FANK1: variants seen among roughly 807,000 people sequenced by gnomAD.
FANK1 encodes the protein fibronectin type 3 and ankyrin repeat domains protein 1.
In FANK1, 44 loss-of-function variants were observed where a neutral mutation model predicts 45.3. The ratio of observed to expected loss-of-function variants is 0.97; its 90% CI spans 0.76 to 1.25. The LOEUF is 1.25. FANK1 is among the 50% of genes most tolerant of loss of function. FANK1 has a pLI of 0.00. For missense variants in FANK1, 391 were observed against 424.4 expected (o/e 0.92, Z 0.69); for synonymous variants, 149 against 152.5 (o/e 0.98, Z 0.17).
chr10:125,909,686 C>CTTTTTTTTT (rs34854157), intron 1 of FANK1, among the ~76,000 whole-genome samples: 3 of 103,266 alleles, frequency 2.9e-5, no homozygotes, highest in African/African-American at 3.9e-5. Flanking sequence ...GACCAATTAA[C>CTTTTTTTTT]TTTTTTTTTT....
At chr10:125,954,257 G>A (rs1332360997) in intron 1 of FANK1, among the ~76,000 whole-genome samples, 1 of 152,162 alleles carries the variant, frequency 6.6e-6, no homozygotes, top group Non-Finnish European at 1.5e-5. Context: ...CAGTGGGAAA[G>A]TTGTTTACTG....
intron 1 of FANK1, among the ~76,000 whole-genome samples, chr10:125,897,321 G>A (rs113087184): frequency 6.6e-6 from 1 of 152,300 alleles, no homozygotes; most frequent in South Asian, 2.1e-4. Flanking sequence ...ATCTAAACAC[G>A]AGCTCTAACT....
rs1022835475 is a variant in FANK1 at position 126,004,074 on chromosome 10, A to G, written c.540-810A>G. On this transcript the variant is annotated intron_variant, in intron 6 of 10. Coordinates refer to ENST00000368693, the MANE Select transcript of FANK1 (RefSeq NM_145235.5). ...TGCAAATAAGGGTTTTTCTAACTCT[A>G]TGGTTCCTTTTATATTTATTAGTTG... 3 of 150,726 alleles carry G rather than the reference A, an allele frequency of 2.0e-5. No homozygotes were observed. The Admixed American group carries it at 2.0e-4, about 10-fold the overall frequency. The allele number at this position is 150,726 out of a possible 1,614,324, so 9.3% of individuals were successfully genotyped here.
intron 1 of FANK1, among the ~76,000 whole-genome samples, chr10:125,968,920 G>T (rs1379552873): frequency 2.0e-5 from 3 of 152,150 alleles, no homozygotes; most frequent in Non-Finnish European, 2.9e-5. Flanking sequence ...AGTGTATGAA[G>T]CCCTTTATTA....
Position 125,962,987 on chromosome 10 carries a change from G to T in FANK1, c.14-17174G>T, listed in dbSNP as rs982819922. 3.3e-4 allele frequency among the ~76,000 whole-genome samples: 47 copies of T among 140,744 alleles called. 1 individual carries two copies. The highest frequency in any genetic ancestry group is 9.7e-4 in the African/African-American group (37 of 38,236). 92.3% of individuals were successfully genotyped at this position (140,744 alleles called of 152,430 possible). On this transcript the variant is annotated intron_variant, in intron 1 of 10. Transcript: ENST00000368693. ...TTGATACATTATTATTATTACTGTG[G>T]TTTTTTTTTTTTTTTCAGATGGAGT...
intron 1 of FANK1, among the ~76,000 whole-genome samples, chr10:125,930,012 C>T (rs938891368): frequency 2.0e-5 from 3 of 152,130 alleles, no homozygotes; most frequent in African/African-American, 7.2e-5. Flanking sequence ...GAAACTTTTT[C>T]ACATGGCTAT....
intron 1 of FANK1, among the ~76,000 whole-genome samples, chr10:125,918,585 A>AAAATATATATATAT (rs1554913277): frequency 4.2e-5 from 3 of 70,972 alleles, no homozygotes; most frequent in African/African-American, 1.6e-4. Flanking sequence ...AAAAAAAAAA[A>AAAATATATATATAT]ATATATATAT....
chr10:125,937,922 G>A (rs1210504776), intron 1 of FANK1, among the ~76,000 whole-genome samples: 6 of 152,042 alleles, frequency 3.9e-5, no homozygotes, highest in Non-Finnish European at 5.9e-5. Context: ...ATGTTGTACC[G>A]ATTCAAAACT....
At position 125,971,878 on chromosome 10, in the gene FANK1, T is replaced by C. The variant is rs1233979595; in HGVS notation, c.14-8283T>C. Reference sequence around the variant, plus strand: ...ACTTTGTGATTCGTCCACCTTGGCCTCCGAAAGTAAAGTGCTGGGATTACA... The same window carrying C: ...ACTTTGTGATTCGTCCACCTTGGCCCCCGAAAGTAAAGTGCTGGGATTACA... On this transcript the variant is annotated intron_variant, in intron 1 of 10. Transcript: ENST00000368693. Among the ~76,000 whole-genome samples, 11 of 152,188 alleles carry C rather than the reference T, an allele frequency of 7.2e-5. No individual in the cohort carries two copies. The East Asian group carries it at 2.1e-3, about 29-fold the overall frequency.
intron 1 of FANK1, among the ~76,000 whole-genome samples, chr10:125,956,540 C>A (rs1339963255): frequency 6.6e-6 from 1 of 152,092 alleles, no homozygotes; most frequent in Non-Finnish European, 1.5e-5. Flanking sequence ...ACCAAAGATT[C>A]TTTGGTTTTA....
At chr10:125,931,470 A>G (rs2134142121) in intron 1 of FANK1, among the ~76,000 whole-genome samples, 1 of 152,226 alleles carries the variant, frequency 6.6e-6, no homozygotes, top group South Asian at 2.1e-4. Context: ...ATCGTTAGTG[A>G]TGTTGGGCAT....
intron 1 of FANK1, among the ~76,000 whole-genome samples, chr10:125,912,443 AGTGTGTGTGTG>A (rs1191526447): frequency 8.2e-5 from 12 of 147,194 alleles, no homozygotes; most frequent in African/African-American, 3.0e-4. Flanking sequence ...GCACCACCAA[AGTGTGTGTGTG>A]TGTGTGTGTG....
chr10:125,932,200 T>C (rs1050681320), intron 1 of FANK1, among the ~76,000 whole-genome samples: 3 of 152,182 alleles, frequency 2.0e-5, no homozygotes, highest in African/African-American at 7.2e-5. Context: ...TTTGGTTCCA[T>C]ATGAATTTTA....
At chr10:125,957,678 C>T (rs1158919840) in intron 1 of FANK1, among the ~76,000 whole-genome samples, 2 of 151,966 alleles carry the variant, frequency 1.3e-5, no homozygotes, top group Non-Finnish European at 1.5e-5. Context: ...GCACCCGGCA[C>T]CACACCCGGC....
intron 1 of FANK1, among the ~76,000 whole-genome samples, chr10:125,946,646 A>T (rs1323777622): frequency 6.6e-6 from 1 of 150,600 alleles, no homozygotes; most frequent in African/African-American, 2.4e-5. Context: ...TGTACCTGAA[A>T]GTGATGGGGA....
At chr10:125,908,344 A>C (rs1281140325) in intron 1 of FANK1, among the ~76,000 whole-genome samples, 1 of 152,186 alleles carries the variant, frequency 6.6e-6, no homozygotes, top group Non-Finnish European at 1.5e-5. Context: ...AAAAATATGG[A>C]ATCAGTTCAA....
rs572373307 is a variant in FANK1, at chr10:125,914,280, C to CATATATATATATATATATATATATATAT, written c.13+17637_13+17638insATATATATATATATATATATATATATAT. ...GCTCCAGCTCAGCATCTTTGTATGCCATATATATATATTTAAAAAGTCTCA... is the reference window on the plus strand; with the variant it reads ...GCTCCAGCTCAGCATCTTTGTATGCCATATATATATATATATATATATATATATATATATATATATTTAAAAAGTCTCA... On this transcript the variant is annotated intron_variant, in intron 1 of 10. Transcript: ENST00000368693. Among the ~76,000 whole-genome samples, 370 of 140,238 alleles carry CATATATATATATATATATATATATATAT rather than the reference C, an allele frequency of 2.6e-3. 11 individuals are homozygous for CATATATATATATATATATATATATATAT. The highest frequency in any genetic ancestry group is 8.5e-3 in the African/African-American group (293 of 34,498). The allele number at this position is 140,238 out of a possible 152,430, so 92.0% of individuals were successfully genotyped here. A position where few individuals can be genotyped will look rare whatever the true frequency, so the allele number is the denominator to read the frequency against.
At chr10:125,991,266 T>TGC (rs1951916352) in intron 3 of FANK1, among the ~76,000 whole-genome samples, 1 of 151,464 alleles carries the variant, frequency 6.6e-6, no homozygotes, top group South Asian at 2.1e-4. Flanking sequence ...TGTGTGTGTG[T>TGC]GTGTGTGTGT....
At chr10:125,908,484 G>A (rs1945723784) in intron 1 of FANK1, among the ~76,000 whole-genome samples, 2 of 152,150 alleles carry the variant, frequency 1.3e-5, no homozygotes, top group Non-Finnish European at 2.9e-5. Context: ...CTTGTTCTAC[G>A]TTAAGTAACT....
Sources: allele counts gnomAD v4.1 joint callset (sites outside exome capture counted in the v4.1 genomes callset), GRCh38; gene constraint gnomAD v4.1.1; transcripts MANE v1.5; gene names NCBI Gene and HGNC (gene_info 2026-07-23, HGNC 2026-07-21).